Variants in CNGB3 observed in about 807,000 individuals in gnomAD.
The protein encoded by CNGB3 is cyclic nucleotide gated channel subunit beta 3.
In CNGB3, 86 loss-of-function variants were observed where a neutral mutation model predicts 92.8. The observed-to-expected ratio is 0.93, with a 90% CI of 0.78 to 1.11. The LOEUF is 1.11. Ranked by LOEUF, CNGB3 falls within the 50% of genes least tolerant of loss-of-function variation. The probability of loss-of-function intolerance (pLI) is 0.00; values close to 1 mark genes in which losing one functional copy is unlikely to be tolerated. For missense variants in CNGB3, 1,026 were observed against 956.8 expected (o/e 1.07, Z -0.95); for synonymous variants, 333 against 332.7 (o/e 1.00, Z -0.01).
chr8:86,616,849 G>A (rs1156309733), intron 13 of CNGB3, among the ~76,000 whole-genome samples: 2 of 152,184 alleles, frequency 1.3e-5, no homozygotes, highest in Admixed American at 1.3e-4. Flanking sequence ...CACACATGCG[G>A]TAGGTATTGG....
intron 8 of CNGB3, among the ~76,000 whole-genome samples, chr8:86,644,959 A>C (rs553808991): frequency 1.3e-5 from 2 of 151,176 alleles, no homozygotes; most frequent in Admixed American, 1.3e-4. Context: ...CTTAAAAAAC[A>C]TTGTTTTCCT....
intron 3 of CNGB3, among the ~76,000 whole-genome samples, chr8:86,694,544 G>A (rs1193867012): frequency 2.0e-5 from 3 of 151,770 alleles, no homozygotes; most frequent in East Asian, 2.0e-4. Flanking sequence ...CTTCTCAGAC[G>A]GGGTGGTTGC....
Position 86,635,466 on chromosome 8 carries a change from A to G in CNGB3, c.1179-2573T>C, listed in dbSNP as rs376878225. On this transcript the variant is annotated intron_variant, in intron 10 of 17. Coordinates refer to ENST00000320005, the MANE Select transcript of CNGB3 (RefSeq NM_019098.5). ...ATTTTAAAAAATAACAATCAAATGTAAAATTTTGGCATGGATTTTCCAAAT... is the reference window on the plus strand; with the variant it reads ...ATTTTAAAAAATAACAATCAAATGTGAAATTTTGGCATGGATTTTCCAAAT... 7.6e-4 allele frequency among the ~76,000 whole-genome samples: 115 copies of G among 152,206 alleles called. 1 individual carries two copies. In the South Asian group the frequency reaches 0.012, roughly 16 times the overall value.
chr8:86,600,773 C>T (rs897027512), intron 15 of CNGB3, among the ~76,000 whole-genome samples: 1 of 112,230 alleles, frequency 8.9e-6, no homozygotes, highest in Non-Finnish European at 1.7e-5. Flanking sequence ...CCACGCTCGG[C>T]TAATTTTTTT....
At chr8:86,693,761 G>A (rs1376232376) in intron 3 of CNGB3, among the ~76,000 whole-genome samples, 1 of 150,670 alleles carries the variant, frequency 6.6e-6, no homozygotes, top group Non-Finnish European at 1.5e-5. Context: ...CAGGGTTGGG[G>A]GTAAGGTCAC....
chr8:86,661,132 A>G (rs1823632879), intron 6 of CNGB3: 1 of 225,816 alleles, frequency 4.4e-6, no homozygotes, highest in African/African-American at 2.4e-5. Context: ...TTAATATATA[A>G]CAGATTCATA....
chr8:86,714,190 C>CA (rs1018504731), intron 3 of CNGB3, among the ~76,000 whole-genome samples: 4 of 152,190 alleles, frequency 2.6e-5, no homozygotes, highest in African/African-American at 9.6e-5. Flanking sequence ...CCTAACCCCC[C>CA]AGCCCCAGGC....
At chr8:86,663,690 G>T (rs1356751843) in intron 6 of CNGB3, among the ~76,000 whole-genome samples, 1 of 152,168 alleles carries the variant, frequency 6.6e-6, no homozygotes, top group Non-Finnish European at 1.5e-5. Context: ...GAGACCTTCA[G>T]GTTGGGTACT....
chr8:86,581,800 C>A (rs1821791078), intron 15 of CNGB3, among the ~76,000 whole-genome samples: 1 of 152,098 alleles, frequency 6.6e-6, no homozygotes, highest in Non-Finnish European at 1.5e-5. Context: ...AAGATGCAAA[C>A]CCTCTCTGAG....
chr8:86,625,853 C>T, intron 13 of CNGB3, 130 bp downstream of exon 13: 2 of 757,102 alleles, frequency 2.6e-6, no homozygotes, highest in Admixed American at 4.3e-5. Flanking sequence ...TTTAATTCCA[C>T]ATAATTTCTC....
chr8:86,591,925 G>A (rs1403088413), intron 15 of CNGB3, among the ~76,000 whole-genome samples: 6 of 151,864 alleles, frequency 4.0e-5, no homozygotes, highest in African/African-American at 4.8e-5. Context: ...AATGGCGGGC[G>A]CCCCTCCCCC....
intron 2 of CNGB3, among the ~76,000 whole-genome samples, chr8:86,737,701 C>A (rs1287719690): frequency 1.3e-5 from 2 of 152,094 alleles, no homozygotes; most frequent in Admixed American, 6.6e-5. Context: ...AATAAGCATA[C>A]CTATAGGTAG....
Position 86,604,132 on chromosome 8 carries a change from A to G in CNGB3, c.1742T>C (p.Leu581Pro), listed in dbSNP as rs549451687. The G allele has an allele frequency of 3.1e-6, 5 of 1,613,660 alleles. No homozygotes were observed. The East Asian group carries it at 8.9e-5, about 29-fold the overall frequency. Residue 581 changes from leucine to proline, a missense_variant, in exon 15 of 18, where the codon CTG (leucine) becomes CCG (proline). Physicochemically the swap from Leu to Pro is moderately conservative, Grantham distance 98. Coordinates refer to ENST00000320005, the MANE Select transcript of CNGB3 (RefSeq NM_019098.5). The stretch of plus-strand genomic sequence containing the variant: ...CACCGACCCAGCTTTCAGAGTAACC[A>G]GAACTTTAGTACCATCAGGGCCTCC... The part of the protein sequence containing the change: ...VLGGPDGTKV[L>P]VTLKAGSVFG...
chr8:86,731,259 A>T (rs1825149981), intron 2 of CNGB3, among the ~76,000 whole-genome samples: 1 of 152,170 alleles, frequency 6.6e-6, no homozygotes, highest in African/African-American at 2.4e-5. Context: ...GGCTGGTGGT[A>T]CTCAGGAGCC....
intron 1 of CNGB3, among the ~76,000 whole-genome samples, chr8:86,740,335 C>T (rs146705698): frequency 2.6e-5 from 4 of 152,078 alleles, no homozygotes; most frequent in East Asian, 1.9e-4. Flanking sequence ...ATGTAGGTGA[C>T]GAATCAATGT....
Position 86,576,065 on chromosome 8 carries a change from A to G in CNGB3, c.2169T>C (p.Asn723=), listed in dbSNP as rs1218805487. The change falls in exon 18 of 18, where the codon AAT becomes AAC. Residue 723 remains asparagine (N), a synonymous_variant. Transcript: ENST00000320005. ...CTTCATTTTCTTTTTGTTTATCTTC[A>G]TTTTCTTTTTGTTTATCTTCATTTT... ...GKENEDKQKE[N]EDKQKENEDK... 1 of 1,584,412 alleles carries G rather than the reference A, an allele frequency of 6.3e-7. No homozygotes were observed. The highest frequency in any genetic ancestry group is 1.4e-5 in the African/African-American group (1 of 72,434).
Position 86,575,153 on chromosome 8 carries a change from A to G in CNGB3, c.*651T>C, listed in dbSNP as rs1477257121. Reference sequence around the variant, plus strand: ...TACAATTTTTCCAATATGTTCCTGCAATGTGATTTTGCCAGTTTGCTAATT... The same window carrying G: ...TACAATTTTTCCAATATGTTCCTGCGATGTGATTTTGCCAGTTTGCTAATT... On this transcript the variant is annotated 3_prime_UTR_variant, in exon 18 of 18. Coordinates refer to ENST00000320005, the MANE Select transcript of CNGB3 (RefSeq NM_019098.5). The G allele has an allele frequency of 1.3e-5, 2 of 152,170 alleles. No homozygotes were observed. The highest frequency in any genetic ancestry group is 3.9e-4 in the East Asian group (2 of 5,190). The allele number at this position is 152,170 out of a possible 1,614,324, so 9.4% of individuals were successfully genotyped here.
rs1176660544 is a variant in CNGB3, at chr8:86,611,655, A to G, written c.1595T>C (p.Met532Thr). 1.9e-6 allele frequency: 3 copies of G among 1,612,180 alleles called. No individual in the cohort carries two copies. Among genetic ancestry groups the G allele is most frequent in the Non-Finnish European group, 2.5e-6 (3 of 1,178,376 alleles). ...CAATCTTAGCAACATGTCATAAATC[A>G]TCTGTGTATCACAACCCTATATAAA... ...VDLFKGCDTQMIYDMLLRLKS... is the reference protein window; with the variant it reads ...VDLFKGCDTQTIYDMLLRLKS... Residue 532 changes from methionine (M) to threonine (T), a missense_variant, in exon 14 of 18, where the codon ATG (methionine) becomes ACG (threonine). Met to Thr is a moderately conservative substitution (Grantham distance 81, BLOSUM62 -1). Transcript: ENST00000320005.
intron 17 of CNGB3, among the ~76,000 whole-genome samples, chr8:86,577,936 G>A (rs1821688733): frequency 6.6e-6 from 1 of 152,144 alleles, no homozygotes; most frequent in Non-Finnish European, 1.5e-5. Flanking sequence ...TTGAGACAGA[G>A]TATTGCTCTG....
Sources: allele counts gnomAD v4.1 joint callset (sites outside exome capture counted in the v4.1 genomes callset), GRCh38; gene constraint gnomAD v4.1.1; transcripts MANE v1.5; gene names NCBI Gene and HGNC (gene_info 2026-07-23, HGNC 2026-07-21).